The following RRP36 variants were observed in gnomAD, a reference collection of about 807,000 sequenced individuals.
RRP36 encodes ribosomal RNA processing protein 36 homolog.
Under a neutral mutation model 39.8 loss-of-function variants are expected in RRP36, and 44 were observed. That is an observed-to-expected ratio of 1.10 (90% CI 0.87 to 1.42). The LOEUF (loss-of-function observed/expected upper bound fraction) is 1.42. RRP36 is among the 40% of genes most tolerant of loss of function. RRP36 has a pLI of 0.00. For synonymous variants in RRP36, 124 were observed against 123.1 expected, an observed-to-expected ratio of 1.01 and a Z score of -0.05; for missense variants, 316 against 322.4, an observed-to-expected ratio of 0.98 and a Z score of 0.15.
intron 1 of RRP36, among the ~76,000 whole-genome samples, chr6:43,024,084 C>T (rs1762771544): frequency 6.6e-6 from 1 of 152,004 alleles, no homozygotes; most frequent in Admixed American, 6.6e-5. Context: ...AAACTCCTGA[C>T]CTCAGGTGAT....
intron 1 of RRP36, 141 bp downstream of exon 1, chr6:43,021,925 A>C (rs1027470077): frequency 3.7e-6 from 2 of 545,386 alleles, no homozygotes; most frequent in African/African-American, 5.5e-5. Flanking sequence ...AGTGCAGTGG[A>C]AAGTGGGGGG....
rs552159549 is a variant in RRP36 at position 43,025,316 on chromosome 6, C to A, written c.332C>A (p.Pro111His). 2.5e-6 allele frequency: 4 copies of A among 1,613,574 alleles called. No individual in the cohort carries two copies. Among genetic ancestry groups the A allele is most frequent in the Admixed American group, 3.3e-5 (2 of 59,996 alleles). Residue 111 changes from proline (P) to histidine (H), a missense_variant, in exon 3 of 7, where the codon CCC (proline) becomes CAC (histidine). Coordinates refer to ENST00000244496, the MANE Select transcript of RRP36 (RefSeq NM_033112.4). Reference sequence around the variant, plus strand: ...GTACCATTTTTACGTCAGGTTGTTCCCATTAGTAAAAAGGTAAGGAAGAAG... The same window carrying A: ...GTACCATTTTTACGTCAGGTTGTTCACATTAGTAAAAAGGTAAGGAAGAAG... ...IRVPFLRQVVPISKKVARDPR... is the reference protein window; with the variant it reads ...IRVPFLRQVVHISKKVARDPR...
chr6:43,025,026 A>G lies in RRP36; in HGVS notation c.172A>G (p.Ser58Gly). 6.2e-7 allele frequency: 1 copy of G among 1,614,240 alleles called. No homozygotes were observed. The highest frequency in any genetic ancestry group is 8.5e-7 in the Non-Finnish European group (1 of 1,180,052). ...ATTTGAGGAGCTGTTGGAATTGCAG[A>G]GCCAAGTGGGGACTAAGACGTACAA... ...MSFEELLELQ[S>G]QVGTKTYKQL... is the part of the protein sequence containing the mutation. The change falls in exon 2 of 7, where the codon AGC (serine) becomes GGC (glycine). Residue 58 changes from serine to glycine, a missense_variant. Physicochemically the swap from Ser to Gly is moderately conservative, Grantham distance 56. Transcript: ENST00000244496.
At position 43,026,125 on chromosome 6, in the gene RRP36, G is replaced by T. The variant is rs750295495; in HGVS notation, c.434G>T (p.Arg145Leu). ...DKTYQFLNDIRAKEKELVKKQ... is the reference protein window; with the variant it reads ...DKTYQFLNDILAKEKELVKKQ... ...ACATACCAATTCTTGAATGACATCC[G>T]AGCGAAAGAGAAAGAGGTATACAGC... The change falls in exon 4 of 7, where the codon CGA becomes CTA. Residue 145 changes from arginine to leucine, a missense_variant. Transcript: ENST00000244496. 4 of 1,612,868 alleles carry T rather than the reference G, an allele frequency of 2.5e-6. No individual in the cohort carries two copies. Among genetic ancestry groups the T allele is most frequent in the Admixed American group, 3.3e-5 (2 of 59,990 alleles).
At position 43,027,493 on chromosome 6, in the gene RRP36, CTG is replaced by C; in HGVS notation, c.643+18_643+19del. On this transcript the variant is annotated intron_variant, in intron 6 of 6. Coordinates refer to ENST00000244496, the MANE Select transcript of RRP36 (RefSeq NM_033112.4). ...CTGAAAAAATGTGAGTTGGGCACAA[CTG>C]TTGCTAACAGGGACAGGGGTGCAGG... 2.5e-6 allele frequency: 4 copies of C among 1,602,308 alleles called. No homozygotes were observed. Among genetic ancestry groups the C allele is most frequent in the Non-Finnish European group, 3.4e-6 (4 of 1,170,504 alleles).
chr6:43,022,547 G>C (rs1393815518), intron 1 of RRP36, among the ~76,000 whole-genome samples: 2 of 151,702 alleles, frequency 1.3e-5, no homozygotes, highest in African/African-American at 4.9e-5. Context: ...TCGAGTAGCT[G>C]GGACTGCAGG....
chr6:43,023,874 C>T (rs181729709), intron 1 of RRP36, among the ~76,000 whole-genome samples: 2,437 of 145,816 alleles, frequency 0.017, 28 homozygotes, highest in Non-Finnish European at 0.026. Flanking sequence ...TTTTTTTTTC[C>T]GAGATGGAGT....
At position 43,026,034 on chromosome 6, in the gene RRP36, A is replaced by G; in HGVS notation, c.346-3A>G. On this transcript the variant is annotated splice_polypyrimidine_tract_variant and splice_region_variant and intron_variant, in intron 3 of 6. Transcript: ENST00000244496. ...TTTTATATTCTCTCTCTTCTCTCCA[A>G]AGGTAGCCCGGGACCCTCGCTTTGA... 1.2e-6 allele frequency: 2 copies of G among 1,609,320 alleles called. No homozygotes were observed. The highest frequency in any genetic ancestry group is 1.7e-6 in the Non-Finnish European group (2 of 1,175,872).
Position 43,027,320 on chromosome 6 carries a change from CA to C in RRP36, c.526-39del, listed in dbSNP as rs749630505. ...GGTGGGAGATATTCACAGATCTGAA[CA>C]GATCCCTCCCGTTCACCCATCTCAT... On this transcript the variant is annotated intron_variant, in intron 5 of 6. Transcript: ENST00000244496. 3 of 1,612,072 alleles carry C rather than the reference CA, an allele frequency of 1.9e-6. No homozygotes were observed. The South Asian group carries it at 3.3e-5, about 18-fold the overall frequency.
Position 43,026,093 on chromosome 6 carries a change from T to G in RRP36, c.402T>G (p.Phe134Leu). 1 of 1,613,974 alleles carries G rather than the reference T, an allele frequency of 6.2e-7. No individual in the cohort carries two copies. The highest frequency in any genetic ancestry group is 8.5e-7 in the Non-Finnish European group (1 of 1,179,900). The change falls in exon 4 of 7, where the codon TTT (phenylalanine) becomes TTG (leucine). Residue 134 changes from phenylalanine to leucine, a missense_variant. By Grantham distance (22) the Phe-to-Leu change is conservative. Coordinates refer to ENST00000244496, the MANE Select transcript of RRP36 (RefSeq NM_033112.4). ...CAGGGGAATATAATCCTGAGGTGTT[T>G]GACAAAACATACCAATTCTTGAATG... ...DLSGEYNPEV[F>L]DKTYQFLNDI...
At chr6:43,027,582 G>A in intron 6 of RRP36, 105 bp downstream of exon 6, 1 of 897,916 alleles carries the variant, frequency 1.1e-6, no homozygotes, top group Non-Finnish European at 1.8e-6. Context: ...AGGCATGAAG[G>A]CTGGATCCCA....
chr6:43,027,956 C>T (rs1762848200), intron 6 of RRP36, among the ~76,000 whole-genome samples: 1 of 152,188 alleles, frequency 6.6e-6, no homozygotes, highest in South Asian at 2.1e-4. Flanking sequence ...ACTGCACACA[C>T]ACACATGCAC....
intron 1 of RRP36, among the ~76,000 whole-genome samples, chr6:43,022,926 C>T (rs1312854729): frequency 6.6e-6 from 1 of 152,092 alleles, no homozygotes; most frequent in African/African-American, 2.4e-5. Context: ...CCACCTCGCC[C>T]AGCCAGGTCT....
chr6:43,027,346 T>A lies in RRP36; in HGVS notation c.526-14T>A, dbSNP rs1444879850. On this transcript the variant is annotated splice_polypyrimidine_tract_variant and intron_variant, in intron 5 of 6. Transcript: ENST00000244496. ...AGATCCCTCCCGTTCACCCATCTCATCTTTGCTCCTCAGGAGCAGCAAGAA... is the reference window on the plus strand; with the variant it reads ...AGATCCCTCCCGTTCACCCATCTCAACTTTGCTCCTCAGGAGCAGCAAGAA... 5 of 1,614,046 alleles carry A rather than the reference T, an allele frequency of 3.1e-6. No homozygotes were observed. Among genetic ancestry groups the A allele is most frequent in the Non-Finnish European group, 4.2e-6 (5 of 1,179,904 alleles).
intron 3 of RRP36, among the ~76,000 whole-genome samples, chr6:43,025,789 C>T (rs1009013446): frequency 2.8e-4 from 43 of 151,822 alleles, no homozygotes; most frequent in African/African-American, 5.1e-4. Context: ...AAAAAATAGC[C>T]GGGCGTGGTG....
At chr6:43,029,037 A>G (rs960908317) in intron 6 of RRP36, 55 bp from the exon 7 acceptor site, 2 of 1,603,520 alleles carry the variant, frequency 1.2e-6, no homozygotes, top group South Asian at 1.1e-5. Flanking sequence ...CTGGTTTGGG[A>G]AAGAATAGGG....
At chr6:43,025,500 G>T (rs777620447) in intron 3 of RRP36, among the ~76,000 whole-genome samples, 171 bp downstream of exon 3, 1 of 151,596 alleles carries the variant, frequency 6.6e-6, no homozygotes, top group Admixed American at 6.6e-5. Context: ...GTGTGTGCCT[G>T]TAGTCCCAGC....
intron 1 of RRP36, among the ~76,000 whole-genome samples, chr6:43,023,040 C>T (rs1762755266): frequency 6.6e-6 from 1 of 152,132 alleles, no homozygotes; most frequent in African/African-American, 2.4e-5. Context: ...CCAGCAAATG[C>T]TGCAGGCTTT....
intron 1 of RRP36, among the ~76,000 whole-genome samples, chr6:43,022,170 A>C (rs1166902519): frequency 6.6e-6 from 1 of 151,438 alleles, no homozygotes; most frequent in Non-Finnish European, 1.5e-5. Context: ...CAGTGGCGCG[A>C]TGTCGGCAAG....
Sources: gnomAD v4.1 joint callset for allele counts (sites outside exome capture counted in the v4.1 genomes callset) on GRCh38, gnomAD v4.1.1 for gene constraint, MANE v1.5 for transcripts, NCBI Gene and HGNC (gene_info 2026-07-23, HGNC 2026-07-21) for gene names.